WASF3: variants seen among roughly 807,000 people sequenced by gnomAD.
WASF3 encodes actin-binding protein WASF3.
A neutral mutation model predicts 46.6 loss-of-function variants in WASF3; 11 were observed. The observed-to-expected ratio is 0.24, with a 90% confidence interval of 0.15 to 0.39. The LOEUF (loss-of-function observed/expected upper bound fraction) is 0.39, where lower values mean the gene tolerates loss of function less well. WASF3 is among the 10% of genes least tolerant of loss of function. WASF3 has a pLI of 1.00. For missense variants in WASF3, 576 were observed against 669.8 expected (o/e 0.86, Z 1.55); for synonymous variants, 242 against 259.7 (o/e 0.93, Z 0.65).
the WASF3 span, among the ~76,000 whole-genome samples, chr13:26,546,504 A>G: frequency 6.6e-6 from 1 of 152,220 alleles, no homozygotes; most frequent in East Asian, 1.9e-4. Flanking sequence ...TGGTCAGGTC[A>G]GGTCAAGACC....
At chr13:26,616,281 GTCTTTT>G (rs1295927319) in intron 2 of WASF3, among the ~76,000 whole-genome samples, 1 of 152,196 alleles carries the variant, frequency 6.6e-6, no homozygotes, top group East Asian at 1.9e-4. Context: ...TGTATGAACA[GTCTTTT>G]TAAGTTTAGC....
At chr13:26,662,338 A>C (rs549669851) in intron 3 of WASF3, among the ~76,000 whole-genome samples, 5 of 152,358 alleles carry the variant, frequency 3.3e-5, no homozygotes, top group African/African-American at 1.2e-4. Context: ...TTTTACCAAA[A>C]AGACACATGC....
chr13:26,642,032 G>A (rs1208024728), intron 2 of WASF3: 3 of 271,438 alleles, frequency 1.1e-5, no homozygotes, highest in Non-Finnish European at 2.0e-5. Context: ...TCAGAAATAT[G>A]GAATATATTA....
intron 1 of WASF3, among the ~76,000 whole-genome samples, chr13:26,559,276 A>C (rs1879204061): frequency 6.6e-6 from 1 of 152,226 alleles, no homozygotes; most frequent in Admixed American, 6.5e-5. Context: ...AAATATTGGA[A>C]AGTTTGGTCA....
At chr13:26,633,896 T>A (rs1593160311) in intron 2 of WASF3, among the ~76,000 whole-genome samples, 1 of 152,172 alleles carries the variant, frequency 6.6e-6, no homozygotes, top group African/African-American at 2.4e-5. Flanking sequence ...TGCTGAGGAG[T>A]GCTTTACTTC....
chr13:26,582,750 AAAT>A (rs991451501), intron 1 of WASF3, among the ~76,000 whole-genome samples: 1 of 150,834 alleles, frequency 6.6e-6, no homozygotes, highest in African/African-American at 2.4e-5. Context: ...AAGAGAATGT[AAAT>A]AATAAAGTGC....
intron 2 of WASF3, among the ~76,000 whole-genome samples, chr13:26,623,556 G>C (rs1294833372): frequency 6.6e-6 from 1 of 152,182 alleles, no homozygotes; most frequent in Non-Finnish European, 1.5e-5. Context: ...CTGATGCAAA[G>C]CAAAGTTCTC....
At chr13:26,547,141 A>G in the WASF3 span, among the ~76,000 whole-genome samples, 9 of 152,144 alleles carry the variant, frequency 5.9e-5, no homozygotes, top group Non-Finnish European at 1.3e-4. Context: ...AGCTCAAAAC[A>G]AAACAGGTGA....
At chr13:26,615,110 G>T (rs1247702624) in intron 2 of WASF3, among the ~76,000 whole-genome samples, 1 of 152,012 alleles carries the variant, frequency 6.6e-6, no homozygotes, top group Admixed American at 6.6e-5. Context: ...TTGGAGCTAT[G>T]TCTATCTGGT....
chr13:26,653,874 C>T (rs184086297), intron 3 of WASF3, among the ~76,000 whole-genome samples: 71 of 152,324 alleles, frequency 4.7e-4, no homozygotes, highest in African/African-American at 1.6e-3. Context: ...TATCTCTAAT[C>T]CCACATGTCT....
At chr13:26,564,636 T>C (rs1304374501) in intron 1 of WASF3, among the ~76,000 whole-genome samples, 1 of 152,230 alleles carries the variant, frequency 6.6e-6, no homozygotes, top group African/African-American at 2.4e-5. Context: ...TACCAAAGTA[T>C]AGGTGTGATT....
intron 3 of WASF3, among the ~76,000 whole-genome samples, chr13:26,658,509 G>A (rs1882532329): frequency 6.6e-6 from 1 of 152,226 alleles, no homozygotes; most frequent in South Asian, 2.1e-4. Context: ...GATTGCCAGT[G>A]CACATTAGCT....
chr13:26,673,839 C>T (rs922882388), intron 6 of WASF3, among the ~76,000 whole-genome samples: 4 of 152,122 alleles, frequency 2.6e-5, no homozygotes, highest in Admixed American at 2.0e-4. Flanking sequence ...GTGAGATGAC[C>T]TGGTGTGTGA....
intron 1 of WASF3, among the ~76,000 whole-genome samples, chr13:26,569,415 A>G (rs889753843): frequency 6.6e-6 from 1 of 152,236 alleles, no homozygotes; most frequent in African/African-American, 2.4e-5. Flanking sequence ...ACTAAAATCA[A>G]TAGCAAAAGG....
At chr13:26,543,860 A>G in the WASF3 span, among the ~76,000 whole-genome samples, 2 of 152,206 alleles carry the variant, frequency 1.3e-5, no homozygotes, top group African/African-American at 2.4e-5. Flanking sequence ...CTTCACTGCA[A>G]TAATCAATAT....
At chr13:26,543,073 C>T in the WASF3 span, among the ~76,000 whole-genome samples, 1 of 152,082 alleles carries the variant, frequency 6.6e-6, no homozygotes, top group Non-Finnish European at 1.5e-5. Flanking sequence ...CTTTCAGTGT[C>T]CTGTGTGGAA....
At chr13:26,604,177 C>T (rs1400560886) in intron 1 of WASF3, among the ~76,000 whole-genome samples, 1 of 152,098 alleles carries the variant, frequency 6.6e-6, no homozygotes, top group African/African-American at 2.4e-5. Context: ...AGACTGTTTC[C>T]TAATTTGCAA....
rs58237286 is a variant in WASF3 at position 26,633,200 on chromosome 13, C to CTTTTTTTTTTTTTT, written c.-10-9058_-10-9045dup. ...AGTTCTGTTTTGATCTTAGTTATTT[C>CTTTTTTTTTTTTTT]TTTTTTTTTTTTTTTTCTTGAGGCA... On this transcript the variant is annotated intron_variant, in intron 2 of 9. Transcript: ENST00000335327. Among the ~76,000 whole-genome samples the CTTTTTTTTTTTTTT allele has an allele frequency of 3.3e-4, 30 of 90,414 alleles. 1 individual carries two copies. The highest frequency in any genetic ancestry group is 4.4e-4 in the Non-Finnish European group (21 of 47,918). The allele number at this position is 90,414 out of a possible 152,430, so 59.3% of individuals were successfully genotyped here.
chr13:26,679,920 C>A lies in WASF3; in HGVS notation c.717-1134C>A. ...TTCTCATTTGGAAGGCTTTTCTGTG[C>A]CACATGGTGCCCCAGTTAAGAAAAG... On this transcript the variant is annotated intron_variant, in intron 7 of 9. Coordinates refer to ENST00000335327, the MANE Select transcript of WASF3 (RefSeq NM_006646.6). The surrounding 1 kb of genome is among the most constrained non-coding windows in gnomAD (Gnocchi z 4.8). The A allele has an allele frequency of 1.6e-6, 2 of 1,266,628 alleles. No individual in the cohort carries two copies. Among genetic ancestry groups the A allele is most frequent in the Non-Finnish European group, 2.2e-6 (2 of 929,194 alleles). 78.5% of individuals were successfully genotyped at this position (1,266,628 alleles called of 1,614,324 possible). A position where few individuals can be genotyped will look rare whatever the true frequency, so the allele number is the denominator to read the frequency against.
Sources: gnomAD v4.1 joint callset for allele counts (sites outside exome capture counted in the v4.1 genomes callset) on GRCh38, gnomAD v4.1.1 for gene constraint, Gnocchi (gnomAD v3.1) non-coding constraint, MANE v1.5 for transcripts, NCBI Gene and HGNC (gene_info 2026-07-23, HGNC 2026-07-21) for gene names.